Variants in PDE11A observed in about 807,000 individuals in gnomAD.
PDE11A encodes the protein dual 3',5'-cyclic-AMP and -GMP phosphodiesterase 11A.
A neutral mutation model predicts 100.5 loss-of-function variants in PDE11A; 100 were observed. That is an observed-to-expected ratio of 1.00 (90% confidence interval 0.85 to 1.18). The LOEUF is 1.18. PDE11A is among the 50% of genes most tolerant of loss of function. The probability of loss-of-function intolerance (pLI) is 0.00; values close to 1 mark genes in which losing one functional copy is unlikely to be tolerated. For synonymous variants in PDE11A, 381 were observed against 420.8 expected (o/e 0.91, Z 1.16); for missense variants, 1,141 against 1,152.6 (o/e 0.99, Z 0.15).
At chr2:177,805,726 C>T (rs573012586) in intron 9 of PDE11A, among the ~76,000 whole-genome samples, 3 of 152,050 alleles carry the variant, frequency 2.0e-5, no homozygotes, top group Non-Finnish European at 4.4e-5. Context: ...TACCAAAATG[C>T]TAATATCTGA....
intron 2 of PDE11A, among the ~76,000 whole-genome samples, chr2:177,958,142 C>T (rs375084961): frequency 6.6e-6 from 1 of 152,074 alleles, no homozygotes; most frequent in Non-Finnish European, 1.5e-5. Context: ...CCACCTGCCT[C>T]GGCCTCCCAA....
chr2:178,050,201 G>A (rs564464632), intron 1 of PDE11A, among the ~76,000 whole-genome samples: 28 of 152,280 alleles, frequency 1.8e-4, no homozygotes, highest in Middle Eastern at 3.4e-3. Context: ...CAATATTTGC[G>A]GTTCTGCAGC....
chr2:178,002,812 T>C (rs926642294), intron 2 of PDE11A, among the ~76,000 whole-genome samples: 12 of 152,186 alleles, frequency 7.9e-5, no homozygotes, highest in Admixed American at 1.3e-4. Context: ...TTAAAAATGA[T>C]TGAAGCTGAT....
intron 13 of PDE11A, among the ~76,000 whole-genome samples, chr2:177,704,865 G>T (rs896799919): frequency 1.3e-5 from 2 of 151,438 alleles, no homozygotes; most frequent in African/African-American, 4.9e-5. Flanking sequence ...TTTTTGAGAC[G>T]GAATCTCGCC....
chr2:177,993,674 T>C (rs1273779098), intron 2 of PDE11A, among the ~76,000 whole-genome samples: 1 of 152,122 alleles, frequency 6.6e-6, no homozygotes, highest in East Asian at 1.9e-4. Context: ...GGGGGTACTC[T>C]TTACTTTGAG....
intron 13 of PDE11A, among the ~76,000 whole-genome samples, chr2:177,706,698 T>C (rs955576401): frequency 6.6e-6 from 1 of 152,158 alleles, no homozygotes; most frequent in Admixed American, 6.5e-5. Context: ...TCCCATGAGC[T>C]GATAAACTGC....
intron 10 of PDE11A, 97 bp from the exon 11 acceptor site, chr2:177,728,269 T>G (rs2081632425): frequency 9.4e-7 from 1 of 1,061,034 alleles, no homozygotes; most frequent in Non-Finnish European, 1.4e-6. Flanking sequence ...GCCACATAAA[T>G]CAGGCCTGAC....
chr2:177,940,504 TGAAG>T (rs2085333854), intron 2 of PDE11A, among the ~76,000 whole-genome samples: 1 of 152,250 alleles, frequency 6.6e-6, no homozygotes, highest in African/African-American at 2.4e-5. Flanking sequence ...AGCAGCTTCT[TGAAG>T]GAAGGATGCA....
At chr2:177,888,638 A>G in intron 4 of PDE11A, 1 of 900,666 alleles carries the variant, frequency 1.1e-6, no homozygotes, top group Non-Finnish European at 1.3e-6. Context: ...GAGGCAATCC[A>G]CAAAACCAAG....
At chr2:177,930,196 C>T (rs138910045) in intron 2 of PDE11A, among the ~76,000 whole-genome samples, 53 of 152,266 alleles carry the variant, frequency 3.5e-4, no homozygotes, top group African/African-American at 1.2e-3. Context: ...GTTTCTGAAG[C>T]TAATTTTTCT....
intron 2 of PDE11A, among the ~76,000 whole-genome samples, chr2:177,940,234 A>G (rs2085330253): frequency 6.6e-6 from 1 of 152,182 alleles, no homozygotes; most frequent in South Asian, 2.1e-4. Context: ...TTAAAACAGT[A>G]TCTTTTAAAG....
At position 178,072,760 on chromosome 2, in the gene PDE11A, G is replaced by GGAACTGCTGCTA. The variant is rs1400350749; in HGVS notation, c.-324_-323insTAGCAGCAGTTC. 9.3e-6 allele frequency: 12 copies of GGAACTGCTGCTA among 1,293,108 alleles called. No individual in the cohort carries two copies. The East Asian group carries it at 4.7e-4, about 50-fold the overall frequency. The allele number at this position is 1,293,108 out of a possible 1,614,324, so 80.1% of individuals were successfully genotyped here. ...TGTTCTGGCTGCCGCCGCTGCTGCT[G>GGAACTGCTGCTA]GAACTGCTGCTGTAACCGGATGAGT... is the stretch of plus-strand genomic sequence containing the variant. On this transcript the variant is annotated 5_prime_UTR_variant, in exon 1 of 20. Coordinates refer to ENST00000286063, the MANE Select transcript of PDE11A (RefSeq NM_016953.4).
chr2:177,868,755 T>C (rs1165816100), intron 5 of PDE11A, among the ~76,000 whole-genome samples: 4 of 152,200 alleles, frequency 2.6e-5, no homozygotes, highest in Non-Finnish European at 5.9e-5. Context: ...CTTGTAAGTT[T>C]TGAGGCCGTC....
chr2:177,794,891 T>G (rs1558942309), intron 9 of PDE11A, among the ~76,000 whole-genome samples: 1 of 152,180 alleles, frequency 6.6e-6, no homozygotes, highest in Non-Finnish European at 1.5e-5. Context: ...ATTCAAGCTA[T>G]TCTCCTGCCT....
intron 13 of PDE11A, among the ~76,000 whole-genome samples, chr2:177,706,621 G>T (rs1206104170): frequency 6.6e-6 from 1 of 152,222 alleles, no homozygotes; most frequent in Non-Finnish European, 1.5e-5. Context: ...CGGAGGTTGG[G>T]TAATGGTGGC....
chr2:177,679,292 T>G (rs2080825514), intron 16 of PDE11A, among the ~76,000 whole-genome samples: 1 of 152,112 alleles, frequency 6.6e-6, no homozygotes, highest in Non-Finnish European at 1.5e-5. Context: ...CGATAAAAGA[T>G]GATGAGGTAA....
intron 4 of PDE11A, among the ~76,000 whole-genome samples, chr2:177,879,570 C>T (rs574541665): frequency 3.3e-5 from 5 of 152,152 alleles, no homozygotes; most frequent in South Asian, 4.1e-4. Context: ...GCCCTGGCTC[C>T]TCAAAACTAG....
chr2:177,885,033 G>T (rs963992877), intron 4 of PDE11A, among the ~76,000 whole-genome samples: 1 of 152,026 alleles, frequency 6.6e-6, no homozygotes, highest in Admixed American at 6.6e-5. Context: ...ATGGACAGTG[G>T]GGTTAGGGGT....
At chr2:177,819,308 T>A (rs1384256188) in intron 7 of PDE11A, among the ~76,000 whole-genome samples, 2 of 152,016 alleles carry the variant, frequency 1.3e-5, no homozygotes, top group East Asian at 3.8e-4. Flanking sequence ...GAATACTAAA[T>A]CCTTTAATAA....
Sources: gnomAD v4.1 joint callset for allele counts (sites outside exome capture counted in the v4.1 genomes callset) on GRCh38, gnomAD v4.1.1 for gene constraint, MANE v1.5 for transcripts, NCBI Gene and HGNC (gene_info 2026-07-23, HGNC 2026-07-21) for gene names.